The following MB21D2 variants were observed in gnomAD, a reference collection of about 807,000 sequenced individuals.
MB21D2 encodes the protein Mab-21 domain containing 2, also known as nucleotidyltransferase MB21D2.
MB21D2 carries 9 observed loss-of-function variants against 33.3 expected under a neutral mutation model. That is an observed-to-expected ratio of 0.27 (90% CI 0.16 to 0.47). The LOEUF is 0.47. Among genes scored for constraint, MB21D2 ranks in the 20% least tolerant of loss-of-function variants. MB21D2 has a pLI of 0.99. For missense variants in MB21D2, 540 were observed against 624.6 expected, an observed-to-expected ratio of 0.86 and a Z score of 1.44; for synonymous variants, 241 against 236.3, an observed-to-expected ratio of 1.02 and a Z score of -0.18.
intron 1 of MB21D2, among the ~76,000 whole-genome samples, chr3:192,874,158 T>C (rs1298727091): frequency 6.6e-6 from 1 of 152,160 alleles, no homozygotes; most frequent in Non-Finnish European, 1.5e-5. Flanking sequence ...GGTCTAGCAA[T>C]TTCTCTCCAT....
chr3:192,838,484 A>T (rs1395913491), intron 1 of MB21D2, among the ~76,000 whole-genome samples: 1 of 144,902 alleles, frequency 6.9e-6, no homozygotes, highest in Non-Finnish European at 1.5e-5. Flanking sequence ...GCTGGAGTGC[A>T]GTGGCGCGAT....
At position 192,842,307 on chromosome 3, in the gene MB21D2, A is replaced by C. The variant is rs141574182; in HGVS notation, c.212-42657T>G. Among the ~76,000 whole-genome samples the C allele has an allele frequency of 3.3e-4, 51 of 152,360 alleles. No homozygotes were observed. In the East Asian group the frequency reaches 8.9e-3, roughly 26 times the overall value. ...TGCCCGTCAGAGCCAGAGGTTTCTAACCACTCACTTGGTCATTGAATATGT... is the reference window on the plus strand; with the variant it reads ...TGCCCGTCAGAGCCAGAGGTTTCTACCCACTCACTTGGTCATTGAATATGT... On this transcript the variant is annotated intron_variant, in intron 1 of 1. Coordinates refer to ENST00000392452, the MANE Select transcript of MB21D2 (RefSeq NM_178496.4).
At chr3:192,895,197 T>A (rs1275256370) in intron 1 of MB21D2, among the ~76,000 whole-genome samples, 1 of 152,076 alleles carries the variant, frequency 6.6e-6, no homozygotes, top group Non-Finnish European at 1.5e-5. Flanking sequence ...AGTGCTCACC[T>A]CCTTCATTTC....
At chr3:192,823,550 GA>G (rs913783439) in intron 1 of MB21D2, among the ~76,000 whole-genome samples, 1 of 152,114 alleles carries the variant, frequency 6.6e-6, no homozygotes, top group African/African-American at 2.4e-5. Context: ...AGCTACTCGG[GA>G]GGCTGAGGCA....
Position 192,882,658 on chromosome 3 carries a change from G to GA in MB21D2, c.211+34971_211+34972insT, listed in dbSNP as rs1713626496. On this transcript the variant is annotated intron_variant, in intron 1 of 1. Coordinates refer to ENST00000392452, the MANE Select transcript of MB21D2 (RefSeq NM_178496.4). ...ACTGAGATTTTTATCCATTTTAGAT[G>GA]TATATAATTTCTCTGCCTGGTAGAA... Among the ~76,000 whole-genome samples the GA allele has an allele frequency of 4.6e-5, 7 of 151,896 alleles. No individual in the cohort carries two copies. In the South Asian group the frequency reaches 1.2e-3, roughly 27 times the overall value.
chr3:192,856,231 G>A (rs949861083), intron 1 of MB21D2, among the ~76,000 whole-genome samples: 2 of 152,268 alleles, frequency 1.3e-5, no homozygotes, highest in East Asian at 1.9e-4. Context: ...GTTTGAGGCA[G>A]TAACTTACAG....
At chr3:192,809,426 A>T (rs1711738881) in intron 1 of MB21D2, among the ~76,000 whole-genome samples, 1 of 152,162 alleles carries the variant, frequency 6.6e-6, no homozygotes, top group African/African-American at 2.4e-5. Flanking sequence ...AAGGAAATTA[A>T]GAAAAATAGC....
At chr3:192,845,723 A>C (rs1712667943) in intron 1 of MB21D2, among the ~76,000 whole-genome samples, 2 of 152,234 alleles carry the variant, frequency 1.3e-5, no homozygotes, top group African/African-American at 2.4e-5. Context: ...AGAGGCTCAG[A>C]AAGAGTGGTA....
At chr3:192,877,641 T>C (rs1231299308) in intron 1 of MB21D2, among the ~76,000 whole-genome samples, 1 of 152,214 alleles carries the variant, frequency 6.6e-6, no homozygotes, top group Admixed American at 6.5e-5. Context: ...ATCATAATTA[T>C]ATATTTGACA....
In MB21D2 at chr3:192,798,239, AC is replaced by A; in HGVS notation, c.*146del. On this transcript the variant is annotated 3_prime_UTR_variant, in exon 2 of 2. Coordinates refer to ENST00000392452, the MANE Select transcript of MB21D2 (RefSeq NM_178496.4). This position sits in a 1 kb window ranked among gnomAD's most constrained non-coding sequence, Gnocchi z 4.8. ...AGTAATATACTGTTTCAGAGCCTGC[AC>A]CATCCTGCAGAACCAGGAAACTTAA... is the stretch of plus-strand genomic sequence containing the variant. The A allele has an allele frequency of 1.2e-6, 1 of 810,552 alleles. No homozygotes were observed. 50.2% of individuals were successfully genotyped at this position (810,552 alleles called of 1,614,324 possible). A position where few individuals can be genotyped will look rare whatever the true frequency, so the allele number is the denominator to read the frequency against.
Position 192,799,597 on chromosome 3 carries a change from G to A in MB21D2, c.265C>T (p.Leu89Phe). Residue 89 changes from leucine to phenylalanine, a missense_variant, in exon 2 of 2, where the codon CTC becomes TTC. Coordinates refer to ENST00000392452, the MANE Select transcript of MB21D2 (RefSeq NM_178496.4). This position sits in a 1 kb window ranked among gnomAD's most constrained non-coding sequence, Gnocchi z 4.1. ...KLPVANEYLLLSGGVREGVVD... is the reference protein window; with the variant it reads ...KLPVANEYLLFSGGVREGVVD... ...ACGCCTTCCCGGACACCTCCAGAGAGCAACAGGTATTCATTAGCCACTGGA... is the reference window on the plus strand; with the variant it reads ...ACGCCTTCCCGGACACCTCCAGAGAACAACAGGTATTCATTAGCCACTGGA... 6.2e-7 allele frequency: 1 copy of A among 1,614,160 alleles called. No individual in the cohort carries two copies. The highest frequency in any genetic ancestry group is 8.5e-7 in the Non-Finnish European group (1 of 1,180,028).
chr3:192,828,627 T>TTTTGAG (rs1712240115), intron 1 of MB21D2, among the ~76,000 whole-genome samples: 4 of 33,656 alleles, frequency 1.2e-4, no homozygotes, highest in African/African-American at 4.5e-4. Flanking sequence ...TATATATATA[T>TTTTGAG]ATATATATAT....
At position 192,799,166 on chromosome 3, in the gene MB21D2, C is replaced by T. The variant is rs375565298; in HGVS notation, c.696G>A (p.Leu232=). 223 of 1,614,074 alleles carry T rather than the reference C, an allele frequency of 1.4e-4. 1 individual carries two copies. The highest frequency in any genetic ancestry group is 1.7e-4 in the Non-Finnish European group (206 of 1,180,048). ...AAGATACCACAGGGACAATATCATA[C>T]AACATGCGACTACTCCCTACACCCA... ...IILGVGSSRM[L]YDIVPVVSFK... The change falls in exon 2 of 2, where the codon TTG becomes TTA. Residue 232 remains leucine, a synonymous_variant. Transcript: ENST00000392452. This position sits in a 1 kb window ranked among gnomAD's most constrained non-coding sequence, Gnocchi z 4.1.
chr3:192,900,639 C>T (rs754615188), intron 1 of MB21D2, among the ~76,000 whole-genome samples: 2 of 151,856 alleles, frequency 1.3e-5, no homozygotes, highest in Non-Finnish European at 2.9e-5. Flanking sequence ...TTCCTATGGC[C>T]CCATAGAAGA....
At chr3:192,862,502 G>T (rs566301762) in intron 1 of MB21D2, among the ~76,000 whole-genome samples, 2 of 152,326 alleles carry the variant, frequency 1.3e-5, no homozygotes, top group South Asian at 4.1e-4. Context: ...CTGAAACAGA[G>T]GCTGGGCGAC....
At chr3:192,912,271 C>T (rs2108656737) in intron 1 of MB21D2, among the ~76,000 whole-genome samples, 1 of 152,278 alleles carries the variant, frequency 6.6e-6, no homozygotes, top group East Asian at 1.9e-4. Flanking sequence ...ATCTTCAGAA[C>T]CCTGCACGCT....
intron 1 of MB21D2, among the ~76,000 whole-genome samples, chr3:192,911,609 C>T (rs538977351): frequency 3.2e-4 from 49 of 152,250 alleles, no homozygotes; most frequent in African/African-American, 1.2e-3. Flanking sequence ...TTGTTAGAAT[C>T]TAATATTTCT....
At chr3:192,808,605 A>G (rs1438042120) in intron 1 of MB21D2, among the ~76,000 whole-genome samples, 1 of 152,194 alleles carries the variant, frequency 6.6e-6, no homozygotes, top group Non-Finnish European at 1.5e-5. Flanking sequence ...GATCAATCAG[A>G]ATCTTCAGCA....
intron 1 of MB21D2, among the ~76,000 whole-genome samples, chr3:192,915,752 G>A (rs1174648337): frequency 3.3e-5 from 5 of 152,098 alleles, no homozygotes; most frequent in African/African-American, 1.2e-4. Flanking sequence ...CAGTGTATCA[G>A]CTTTGGAGTT....
Sources: allele counts gnomAD v4.1 joint callset (sites outside exome capture counted in the v4.1 genomes callset), GRCh38; gene constraint gnomAD v4.1.1; non-coding constraint Gnocchi (gnomAD v3.1); transcripts MANE v1.5; gene names NCBI Gene and HGNC (gene_info 2026-07-23, HGNC 2026-07-21).